Variants in PAK4 observed in about 807,000 individuals in gnomAD.
PAK4 encodes the protein p21 (RAC1) activated kinase 4, also known as serine/threonine-protein kinase PAK 4.
Under a neutral mutation model 53.5 loss-of-function variants are expected in PAK4, and 49 were observed. That is an observed-to-expected ratio of 0.92 (90% confidence interval 0.73 to 1.16). The LOEUF (loss-of-function observed/expected upper bound fraction) is 1.16, where lower values mean the gene tolerates loss of function less well. Ranked by LOEUF, PAK4 falls within the 50% of genes most tolerant of loss-of-function variation. PAK4 has a pLI of 0.00. For synonymous variants in PAK4, 376 were observed against 375.6 expected (o/e 1.00, Z -0.01); for missense variants, 824 against 850.7 (o/e 0.97, Z 0.39).
intron 1 of PAK4, among the ~76,000 whole-genome samples, chr19:39,162,291 C>T (rs1222689285): frequency 6.6e-6 from 1 of 151,864 alleles, no homozygotes; most frequent in East Asian, 1.9e-4. Flanking sequence ...CAAGGTCTCA[C>T]CCTGTCACCT....
chr19:39,150,852 C>T (rs1024903095), intron 1 of PAK4, among the ~76,000 whole-genome samples: 4 of 152,268 alleles, frequency 2.6e-5, no homozygotes, highest in African/African-American at 9.6e-5. Context: ...GCCTGCTGCC[C>T]ACCCATCCCT....
In PAK4 at chr19:39,178,409, C is replaced by T; in HGVS notation, c.1621-15C>T. The stretch of plus-strand genomic sequence containing the variant: ...GGGGAGCCTCGCCCCCTGACCCTCC[C>T]CTCCTTCTCGACAGGTGTCGCCATC... On this transcript the variant is annotated splice_polypyrimidine_tract_variant and intron_variant, in intron 8 of 8. Transcript: ENST00000358301. This position sits in a 1 kb window ranked among gnomAD's most constrained non-coding sequence, Gnocchi z 4.4. The T allele has an allele frequency of 1.3e-6, 2 of 1,572,512 alleles. No individual in the cohort carries two copies. The highest frequency in any genetic ancestry group is 1.7e-6 in the Non-Finnish European group (2 of 1,159,746).
intron 1 of PAK4, among the ~76,000 whole-genome samples, chr19:39,149,829 C>G (rs369568106): frequency 6.6e-6 from 1 of 151,536 alleles, no homozygotes; most frequent in Admixed American, 6.6e-5. Flanking sequence ...GCACTCCAGC[C>G]CAGGCAACAG....
At chr19:39,182,691 C>T (rs2319153), downstream of PAK4, 42,547 of 151,288 alleles carry the variant, frequency 0.28, 6,793 homozygotes, top group Middle Eastern at 0.37. Context: ...TGGTGGTGGG[C>T]GCCTGTAATC....
chr19:39,143,048 C>T (rs755958116), intron 1 of PAK4, among the ~76,000 whole-genome samples: 4 of 152,102 alleles, frequency 2.6e-5, no homozygotes, highest in Non-Finnish European at 4.4e-5. Flanking sequence ...ACCTGTATCC[C>T]GTCTTTGCTC....
At chr19:39,128,215 A>G (rs2073627593) in intron 1 of PAK4, among the ~76,000 whole-genome samples, 1 of 152,224 alleles carries the variant, frequency 6.6e-6, no homozygotes, top group South Asian at 2.1e-4. Flanking sequence ...TGCAGGCTAG[A>G]GAGCCTTGGC....
chr19:39,137,290 G>T (rs947464488), intron 1 of PAK4, among the ~76,000 whole-genome samples: 2 of 152,154 alleles, frequency 1.3e-5, no homozygotes, highest in African/African-American at 4.8e-5. Flanking sequence ...CCCCTGCTTG[G>T]AGGCAGGAGA....
At chr19:39,151,182 C>G (rs1341448687) in intron 1 of PAK4, among the ~76,000 whole-genome samples, 1 of 152,190 alleles carries the variant, frequency 6.6e-6, no homozygotes, top group Non-Finnish European at 1.5e-5. Flanking sequence ...TTACAAAGGT[C>G]TCCCTGACCT....
rs1219656634 is a variant in PAK4, at chr19:39,174,032, C to T, written c.1098+22C>T. 12 of 1,496,254 alleles carry T rather than the reference C, an allele frequency of 8.0e-6. 1 individual carries two copies. Among genetic ancestry groups the T allele is most frequent in the South Asian group, 3.7e-5 (3 of 80,334 alleles). The allele number at this position is 1,496,254 out of a possible 1,614,324, so 92.7% of individuals were successfully genotyped here. A position where few individuals can be genotyped will look rare whatever the true frequency, so the allele number is the denominator to read the frequency against. Reference sequence around the variant, plus strand: ...CGAGGTGCGGGCGCTGCTGCCCTGCCGCCCTGCTGGTCCTCCCACCCCTCC... The same window carrying T: ...CGAGGTGCGGGCGCTGCTGCCCTGCTGCCCTGCTGGTCCTCCCACCCCTCC... On this transcript the variant is annotated intron_variant, in intron 4 of 8. Transcript: ENST00000358301.
chr19:39,155,029 T>A (rs892155428), intron 1 of PAK4, among the ~76,000 whole-genome samples: 1 of 151,988 alleles, frequency 6.6e-6, no homozygotes, highest in Middle Eastern at 3.2e-3. Flanking sequence ...CCTTGAGGAG[T>A]TGGCTGCAGG....
Position 39,177,839 on chromosome 19 carries a change from C to T in PAK4, c.1620+30C>T, listed in dbSNP as rs201222469. 1.2e-4 allele frequency: 196 copies of T among 1,585,276 alleles called. No homozygotes were observed. The African/African-American group carries it at 2.1e-3, about 17-fold the overall frequency. ...GCCCCTCCCTGGCTGGGAAACTGTG[C>T]GCCAGCTGGCGGGTGGCAGGGCTCC... On this transcript the variant is annotated intron_variant, in intron 8 of 8. Transcript: ENST00000358301.
intron 1 of PAK4, among the ~76,000 whole-genome samples, chr19:39,144,190 A>C (rs1212256805): frequency 9.2e-6 from 1 of 108,288 alleles, no homozygotes; most frequent in East Asian, 3.2e-4. Context: ...AGATAGATAG[A>C]TAGATATGGT....
intron 1 of PAK4, among the ~76,000 whole-genome samples, chr19:39,167,644 T>C (rs1486049339): frequency 6.6e-6 from 1 of 152,096 alleles, no homozygotes; most frequent in African/African-American, 2.4e-5. Flanking sequence ...CCCGCTGGCC[T>C]CTTGGGACCA....
intron 1 of PAK4, among the ~76,000 whole-genome samples, chr19:39,167,518 A>C (rs2074397516): frequency 6.6e-6 from 1 of 151,964 alleles, no homozygotes; most frequent in Non-Finnish European, 1.5e-5. Flanking sequence ...TTGGGCTCAG[A>C]GAAGGGGCTG....
chr19:39,174,192 C>T (rs2074555232), intron 4 of PAK4, among the ~76,000 whole-genome samples, 182 bp downstream of exon 5: 2 of 151,692 alleles, frequency 1.3e-5, no homozygotes, highest in African/African-American at 4.8e-5. Context: ...TCTGTCCTCA[C>T]AGCACCCTCA....
In PAK4 at chr19:39,166,679, C is replaced by G. The variant is rs561760648; in HGVS notation, c.-22-2853C>G. On this transcript the variant is annotated intron_variant, in intron 1 of 8. Coordinates refer to ENST00000358301, the Ensembl canonical transcript of PAK4. ...GCCTGACTGCCAAGCTTGGAGCTGG[C>G]CTGGGAGCCCAGCCCCCACCCTTCC... 1.4e-3 allele frequency among the ~76,000 whole-genome samples: 220 copies of G among 152,278 alleles called. 2 individuals carry two copies. The highest frequency in any genetic ancestry group is 5.1e-3 in the African/African-American group (212 of 41,556).
intron 1 of PAK4, among the ~76,000 whole-genome samples, chr19:39,160,190 G>A (rs879689): frequency 0.3 from 46,285 of 152,182 alleles, 7,510 homozygotes; most frequent in Middle Eastern, 0.39. Flanking sequence ...CTTCCAGGGA[G>A]TGAGTGTACG....
intron 1 of PAK4, among the ~76,000 whole-genome samples, chr19:39,165,005 G>T (rs1416334467): frequency 6.6e-6 from 1 of 151,734 alleles, no homozygotes; most frequent in African/African-American, 2.4e-5. Context: ...GGAGGTGGGG[G>T]CCCCGGGGCC....
chr19:39,169,089 G>T (rs1422327012), intron 1 of PAK4, among the ~76,000 whole-genome samples: 2 of 152,262 alleles, frequency 1.3e-5, no homozygotes, highest in East Asian at 1.9e-4. Context: ...GATGTAGAGC[G>T]GGGGGACGGC....
Sources: allele counts gnomAD v4.1 joint callset (sites outside exome capture counted in the v4.1 genomes callset), GRCh38; gene constraint gnomAD v4.1.1; non-coding constraint Gnocchi (gnomAD v3.1); transcripts MANE v1.5; gene names NCBI Gene and HGNC (gene_info 2026-07-23, HGNC 2026-07-21).